SEMA6A: variants seen among roughly 807,000 people sequenced by gnomAD.
The protein encoded by SEMA6A is semaphorin-6A.
Under a neutral mutation model 96.8 loss-of-function variants are expected in SEMA6A, and 25 were observed. That is an observed-to-expected ratio of 0.26 (90% CI 0.19 to 0.36). The LOEUF (loss-of-function observed/expected upper bound fraction) is 0.36, where lower values mean the gene tolerates loss of function less well. SEMA6A is among the 10% of genes least tolerant of loss of function. The probability of loss-of-function intolerance (pLI) is 1.00; values close to 1 mark genes in which losing one functional copy is unlikely to be tolerated. For synonymous variants in SEMA6A, 612 were observed against 518.0 expected (o/e 1.18, Z -2.46); for missense variants, 1,363 against 1,323.1 (o/e 1.03, Z -0.47).
chr5:116,573,825 G>T (rs1014204426), intron 1 of SEMA6A, among the ~76,000 whole-genome samples: 1 of 152,010 alleles, frequency 6.6e-6, no homozygotes, highest in East Asian at 1.9e-4. Flanking sequence ...TTTAGGGCCC[G>T]CTCTGCTCCC....
rs200368544 is a variant in SEMA6A at position 116,496,213 on chromosome 5, C to T, written c.342+38G>A. 13 of 1,577,818 alleles carry T rather than the reference C, an allele frequency of 8.2e-6. No homozygotes were observed. In the East Asian group the frequency reaches 2.7e-4, roughly 33 times the overall value. ...TGGAGATAACAGTCAAAAACTTAAC[C>T]CAAAGTGGCAGCTGCAGGAGAAATG... is the stretch of plus-strand genomic sequence containing the variant. On this transcript the variant is annotated intron_variant, in intron 5 of 18. Transcript: ENST00000343348.
At position 116,478,670 on chromosome 5, in the gene SEMA6A, C is replaced by G; in HGVS notation, c.1299G>C (p.Gln433His). 6.2e-7 allele frequency: 1 copy of G among 1,613,766 alleles called. No individual in the cohort carries two copies. Among genetic ancestry groups the G allele is most frequent in the Non-Finnish European group, 8.5e-7 (1 of 1,179,816 alleles). Reference sequence around the variant, plus strand: ...ATCCCAGAAAAACCACAGTGTGATTCTGATATGGCCCAGCAGCTGTGTCCA... The same window carrying G: ...ATCCCAGAAAAACCACAGTGTGATTGTGATATGGCCCAGCAGCTGTGTCCA... ...IAVDTAAGPYQNHTVVFLGSE... is the reference protein window; with the variant it reads ...IAVDTAAGPYHNHTVVFLGSE... Residue 433 changes from glutamine (Q) to histidine (H), a missense_variant, in exon 13 of 19, where the codon CAG becomes CAC. Around this residue, in one of 2 missense-constraint regions of SEMA6A, gnomAD observed 480 missense variants for 559.5 expected, o/e 0.86. Transcript: ENST00000343348.
At chr5:116,549,804 G>A (rs367925967) in intron 1 of SEMA6A, among the ~76,000 whole-genome samples, 19 of 152,214 alleles carry the variant, frequency 1.2e-4, no homozygotes, top group African/African-American at 4.3e-4. Flanking sequence ...ACTTTTCAGA[G>A]CATTTAGTAG....
At chr5:116,536,104 G>A (rs1372741022) in intron 1 of SEMA6A, among the ~76,000 whole-genome samples, 1 of 152,120 alleles carries the variant, frequency 6.6e-6, no homozygotes, top group African/African-American at 2.4e-5. Flanking sequence ...AGAATCATCA[G>A]TCATGAAAAC....
At chr5:116,495,545 T>A in intron 5 of SEMA6A, 31 bp from the exon 6 acceptor site, 1 of 1,468,028 alleles carries the variant, frequency 6.8e-7, no homozygotes, top group Non-Finnish European at 9.4e-7. Context: ...TTTTGTATCA[T>A]GTCCATTCAG....
At chr5:116,517,753 C>T (rs550137771) in intron 1 of SEMA6A, among the ~76,000 whole-genome samples, 6 of 152,188 alleles carry the variant, frequency 3.9e-5, no homozygotes, top group Non-Finnish European at 7.3e-5. Context: ...AAGTGACTGC[C>T]TCCCCAGGCT....
chr5:116,530,200 ATC>A (rs1759402821), intron 1 of SEMA6A, among the ~76,000 whole-genome samples: 1 of 152,300 alleles, frequency 6.6e-6, no homozygotes, highest in South Asian at 2.1e-4. Flanking sequence ...GAAGAGAAAT[ATC>A]TCAGTGTTTA....
intron 18 of SEMA6A, among the ~76,000 whole-genome samples, chr5:116,466,271 G>A (rs113426720): frequency 0.037 from 5,560 of 151,640 alleles, 138 homozygotes; most frequent in South Asian, 0.074. Flanking sequence ...CCAGCTACTT[G>A]GGAAGCTGAG....
At chr5:116,550,329 A>G (rs992436584) in intron 1 of SEMA6A, 2 of 152,172 alleles carry the variant, frequency 1.3e-5, no homozygotes, top group African/African-American at 4.8e-5. Flanking sequence ...CAAGAAAATG[A>G]TCCTCTCTAA....
intron 1 of SEMA6A, among the ~76,000 whole-genome samples, chr5:116,539,941 TTAAAG>T (rs910038857): frequency 6.6e-6 from 1 of 152,222 alleles, no homozygotes; most frequent in Non-Finnish European, 1.5e-5. Context: ...TTTTGTCTGG[TTAAAG>T]TAAAGTTTTA....
At chr5:116,468,344 G>A (rs1013071474) in intron 17 of SEMA6A, 2 of 152,228 alleles carry the variant, frequency 1.3e-5, no homozygotes, top group African/African-American at 4.8e-5. Flanking sequence ...CCTCTTTCTG[G>A]GATTAGTTAG....
intron 1 of SEMA6A, among the ~76,000 whole-genome samples, chr5:116,506,238 G>C (rs1426832324): frequency 6.6e-6 from 1 of 152,158 alleles, no homozygotes; most frequent in African/African-American, 2.4e-5. Context: ...GTGTTGCACT[G>C]TAACTTATAA....
intron 3 of SEMA6A, chr5:116,498,402 C>T (rs1420826758): frequency 2.6e-5 from 4 of 152,258 alleles, no homozygotes; most frequent in African/African-American, 7.2e-5. Flanking sequence ...GCAGGATTCA[C>T]ATATACATAT....
chr5:116,446,842 C>T lies in SEMA6A; in HGVS notation c.2864G>A (p.Arg955Lys), dbSNP rs1439501136. Residue 955 changes from arginine (R) to lysine (K), a missense_variant, in exon 19 of 19, where the codon AGG (arginine) becomes AAG (lysine). By Grantham distance (26) the Arg-to-Lys change is conservative. Transcript: ENST00000343348. ...SHLSRNQSFG[R>K]GDNPPPAPQR... is the part of the protein sequence containing the mutation. ...CGGGGCGGGCGGCGGGTTGTCTCCC[C>T]TGCCAAAGCTCTGGTTTCTGGAGAG... 7 of 1,613,878 alleles carry T rather than the reference C, an allele frequency of 4.3e-6. No homozygotes were observed. The highest frequency in any genetic ancestry group is 2.2e-5 in the East Asian group (1 of 44,880).
At chr5:116,482,041 A>G (rs1561486714) in intron 11 of SEMA6A, among the ~76,000 whole-genome samples, 3 of 152,118 alleles carry the variant, frequency 2.0e-5, no homozygotes, top group African/African-American at 7.2e-5. Flanking sequence ...TATATTTCAT[A>G]TTTTATTTGG....
chr5:116,508,809 C>CT (rs1486907188), intron 1 of SEMA6A, among the ~76,000 whole-genome samples: 1 of 152,178 alleles, frequency 6.6e-6, no homozygotes, highest in Non-Finnish European at 1.5e-5. Context: ...TTCCCACTCT[C>CT]TTAGGAGGCC....
At chr5:116,487,215 G>A (rs779962696) in intron 9 of SEMA6A, 10 of 433,414 alleles carry the variant, frequency 2.3e-5, no homozygotes, top group South Asian at 7.6e-5. Flanking sequence ...AATCAGCTCC[G>A]AGCCACATAA....
intron 1 of SEMA6A, chr5:116,550,158 A>T (rs1261388659): frequency 1.3e-5 from 2 of 152,192 alleles, no homozygotes; most frequent in African/African-American, 4.8e-5. Context: ...ATATCCATTG[A>T]TTACTTTAGG....
chr5:116,455,459 G>T (rs886073691), intron 18 of SEMA6A, among the ~76,000 whole-genome samples: 1 of 152,118 alleles, frequency 6.6e-6, no homozygotes, highest in Non-Finnish European at 1.5e-5. Flanking sequence ...TAAATAAGAC[G>T]AGAAACACAA....
Sources: gnomAD v4.1 joint callset for allele counts (sites outside exome capture counted in the v4.1 genomes callset) on GRCh38, gnomAD v4.1.1 for gene constraint, gnomAD v4.1.1 regional missense constraint, MANE v1.5 for transcripts, NCBI Gene and HGNC (gene_info 2026-07-23, HGNC 2026-07-21) for gene names.